BTBD9: variants seen among roughly 807,000 people sequenced by gnomAD.
BTBD9 encodes the protein BTB/POZ domain-containing protein 9.
In BTBD9, 49 loss-of-function variants were observed where a neutral mutation model predicts 64.3. That is an observed-to-expected ratio of 0.76 (90% CI 0.61 to 0.97). BTBD9 has a LOEUF of 0.97. Among genes scored for constraint, BTBD9 ranks in the 50% least tolerant of loss-of-function variants. The pLI is 0.00. For missense variants in BTBD9, 598 were observed against 762.1 expected, an observed-to-expected ratio of 0.78 and a Z score of 2.53; for synonymous variants, 260 against 274.7, an observed-to-expected ratio of 0.95 and a Z score of 0.53.
At chr6:38,447,189 C>G (rs1769313201) in intron 6 of BTBD9, among the ~76,000 whole-genome samples, 2 of 152,092 alleles carry the variant, frequency 1.3e-5, no homozygotes, top group Non-Finnish European at 2.9e-5. Context: ...GAAAATGTTG[C>G]AGCAGAGTGA....
chr6:38,309,071 T>C (rs1762733149), intron 7 of BTBD9, among the ~76,000 whole-genome samples: 2 of 150,026 alleles, frequency 1.3e-5, no homozygotes, highest in Admixed American at 6.7e-5. Flanking sequence ...AAAGGTTGTT[T>C]AAAAAGCCCA....
intron 7 of BTBD9, among the ~76,000 whole-genome samples, chr6:38,297,319 T>C (rs934861806): frequency 6.6e-6 from 1 of 152,106 alleles, no homozygotes; most frequent in Non-Finnish European, 1.5e-5. Context: ...TGAGCTGAGA[T>C]TGCGCCATTG....
intron 6 of BTBD9, among the ~76,000 whole-genome samples, chr6:38,363,807 A>C (rs1380636147): frequency 1.3e-5 from 2 of 152,200 alleles, no homozygotes; most frequent in Non-Finnish European, 2.9e-5. Flanking sequence ...ACATATCACA[A>C]TTCTCTCAGC....
At chr6:38,566,982 A>G (rs1775553273) in intron 6 of BTBD9, among the ~76,000 whole-genome samples, 1 of 152,244 alleles carries the variant, frequency 6.6e-6, no homozygotes, top group African/African-American at 2.4e-5. Context: ...TTAGAAAAAT[A>G]TCAAGCAGTT....
chr6:38,569,257 T>C (rs999543925), intron 6 of BTBD9, among the ~76,000 whole-genome samples: 2 of 152,212 alleles, frequency 1.3e-5, no homozygotes, highest in African/African-American at 4.8e-5. Context: ...GTCTTGTTCA[T>C]CTTTTTATGT....
intron 10 of BTBD9, among the ~76,000 whole-genome samples, chr6:38,180,591 C>A (rs1440761569): frequency 1.3e-5 from 2 of 152,320 alleles, no homozygotes; most frequent in Non-Finnish European, 1.5e-5. Flanking sequence ...GATTCAATTT[C>A]TTTTCTCCAA....
chr6:38,601,253 A>C (rs535719550), intron 1 of BTBD9, among the ~76,000 whole-genome samples: 1 of 152,278 alleles, frequency 6.6e-6, no homozygotes, highest in African/African-American at 2.4e-5. Context: ...CCACAGAAAA[A>C]ATTTATTTAG....
chr6:38,489,436 C>T (rs1771598410), intron 6 of BTBD9, among the ~76,000 whole-genome samples: 1 of 152,092 alleles, frequency 6.6e-6, no homozygotes, highest in African/African-American at 2.4e-5. Context: ...CACTGCACTC[C>T]AGCCTGGGTG....
At chr6:38,591,462 T>C (rs1265550069) in intron 4 of BTBD9, among the ~76,000 whole-genome samples, 1 of 152,242 alleles carries the variant, frequency 6.6e-6, no homozygotes, top group Non-Finnish European at 1.5e-5. Flanking sequence ...ATTGTTGTAT[T>C]TAACTTTTCA....
intron 6 of BTBD9, among the ~76,000 whole-genome samples, chr6:38,479,572 G>T (rs559471702): frequency 4.6e-5 from 7 of 151,976 alleles, no homozygotes; most frequent in Non-Finnish European, 8.8e-5. Context: ...GCTTTATGAG[G>T]TAACACTCCC....
intron 6 of BTBD9, among the ~76,000 whole-genome samples, chr6:38,478,883 A>G (rs1771009279): frequency 6.6e-6 from 1 of 152,200 alleles, no homozygotes; most frequent in African/African-American, 2.4e-5. Flanking sequence ...TATCATATAT[A>G]AAACCAGGAT....
intron 6 of BTBD9, among the ~76,000 whole-genome samples, chr6:38,438,284 C>A (rs1192730856): frequency 1.6e-5 from 2 of 124,866 alleles, no homozygotes; most frequent in African/African-American, 6.2e-5. Context: ...TACTGGATTG[C>A]AGCTTATGGC....
intron 7 of BTBD9, among the ~76,000 whole-genome samples, chr6:38,314,918 C>T (rs1317596599): frequency 5.3e-5 from 8 of 152,138 alleles, no homozygotes; most frequent in African/African-American, 1.9e-4. Context: ...GGCGGGATCT[C>T]GGCTCACTGC....
intron 6 of BTBD9, among the ~76,000 whole-genome samples, chr6:38,483,000 T>C (rs1562246712): frequency 6.6e-6 from 1 of 152,062 alleles, no homozygotes; most frequent in East Asian, 1.9e-4. Flanking sequence ...CCCTCTCCCA[T>C]AATGAGGTAC....
chr6:38,282,364 G>A (rs1761545317), intron 8 of BTBD9, among the ~76,000 whole-genome samples: 1 of 152,132 alleles, frequency 6.6e-6, no homozygotes, highest in South Asian at 2.1e-4. Context: ...TCCCAGTTAT[G>A]CTACCTTGGG....
At chr6:38,503,321 T>C (rs73426898) in intron 6 of BTBD9, among the ~76,000 whole-genome samples, 1 of 152,062 alleles carries the variant, frequency 6.6e-6, no homozygotes, top group Non-Finnish European at 1.5e-5. Context: ...CTCCCCCTTC[T>C]CTCCAGGAGA....
At chr6:38,529,815 CG>C (rs1773704568) in intron 6 of BTBD9, among the ~76,000 whole-genome samples, 1 of 149,346 alleles carries the variant, frequency 6.7e-6, no homozygotes, top group Non-Finnish European at 1.5e-5. Context: ...GATTGTAAAA[CG>C]TGTGTTTGAA....
chr6:38,378,734 C>T (rs746679823), intron 6 of BTBD9, among the ~76,000 whole-genome samples: 39 of 151,286 alleles, frequency 2.6e-4, no homozygotes, highest in Admixed American at 1.4e-3. Context: ...ATTAGCTGGG[C>T]GTGGTGGTGG....
At chr6:38,417,801 A>AGAGAGAG (rs56268245) in intron 6 of BTBD9, among the ~76,000 whole-genome samples, 8,496 of 136,846 alleles carry the variant, frequency 0.062, 295 homozygotes, top group Middle Eastern at 0.088. Flanking sequence ...AGAGAGAGAG[A>AGAGAGAG]AAAAAAATAT....
Sources: gnomAD v4.1 joint callset for allele counts (sites outside exome capture counted in the v4.1 genomes callset) on GRCh38, gnomAD v4.1.1 for gene constraint, MANE v1.5 for transcripts, NCBI Gene and HGNC (gene_info 2026-07-23, HGNC 2026-07-21) for gene names.